HMGB1: variants seen among roughly 807,000 people sequenced by gnomAD.
HMGB1 encodes the protein high mobility group protein B1.
For synonymous variants in HMGB1, 81 were observed against 84.0 expected, an observed-to-expected ratio of 0.96 and a Z score of 0.19; for missense variants, 79 against 253.5, an observed-to-expected ratio of 0.31 and a Z score of 4.67.
intron 1 of HMGB1, among the ~76,000 whole-genome samples, chr13:30,520,436 A>G (rs1163217727): frequency 2.0e-5 from 3 of 152,054 alleles, no homozygotes; most frequent in Non-Finnish European, 4.4e-5. Flanking sequence ...CCTGGCCAAC[A>G]TGGTGAAACC....
At chr13:30,553,845 G>T in intron 1 of HMGB1, 3 of 1,348,300 alleles carry the variant, frequency 2.2e-6, no homozygotes, top group Non-Finnish European at 3.2e-6. Flanking sequence ...TCACAGTCGT[G>T]TTAAACTGCA....
chr13:30,491,397 C>A (rs995424050), intron 1 of HMGB1, among the ~76,000 whole-genome samples: 3 of 152,076 alleles, frequency 2.0e-5, no homozygotes, highest in African/African-American at 7.2e-5. Context: ...AGAAACAAAC[C>A]TTGAGGCTGG....
At chr13:30,614,976 C>T (rs1472377130) in intron 1 of HMGB1, among the ~76,000 whole-genome samples, 4 of 151,480 alleles carry the variant, frequency 2.6e-5, no homozygotes, top group Non-Finnish European at 5.9e-5. Context: ...TCCCAAAGTG[C>T]TGGGATTACA....
chr13:30,553,923 T>G, intron 1 of HMGB1: 2 of 1,437,094 alleles, frequency 1.4e-6, no homozygotes, highest in Non-Finnish European at 2.0e-6. Flanking sequence ...GAGTTACATC[T>G]TAACACCGGG....
intron 1 of HMGB1, among the ~76,000 whole-genome samples, chr13:30,482,168 A>G (rs1483088073): frequency 6.6e-6 from 1 of 152,240 alleles, no homozygotes; most frequent in Non-Finnish European, 1.5e-5. Flanking sequence ...GAACTGAGGC[A>G]GGACACCTGA....
chr13:30,530,002 G>A (rs1243972212), intron 1 of HMGB1, among the ~76,000 whole-genome samples: 1 of 152,028 alleles, frequency 6.6e-6, no homozygotes, highest in Non-Finnish European at 1.5e-5. Context: ...TCAGTCTGAT[G>A]AAAAAAATTC....
intron 1 of HMGB1, among the ~76,000 whole-genome samples, chr13:30,558,586 C>G (rs779728699): frequency 6.6e-6 from 1 of 152,036 alleles, no homozygotes; most frequent in Admixed American, 6.5e-5. Context: ...GGGCTTTTAG[C>G]AATAATCCTA....
At chr13:30,558,029 T>A (rs1869762983) in intron 1 of HMGB1, among the ~76,000 whole-genome samples, 1 of 152,242 alleles carries the variant, frequency 6.6e-6, no homozygotes, top group South Asian at 2.1e-4. Flanking sequence ...GCTAAAATTG[T>A]AATGACATAT....
chr13:30,533,285 A>G (rs1234434694), intron 1 of HMGB1, among the ~76,000 whole-genome samples: 4 of 152,224 alleles, frequency 2.6e-5, no homozygotes, highest in Non-Finnish European at 4.4e-5. Context: ...CTGTTCTCCA[A>G]TGTGGCTCAG....
chr13:30,604,740 C>T (rs1950438490), intron 1 of HMGB1, among the ~76,000 whole-genome samples: 1 of 152,198 alleles, frequency 6.6e-6, no homozygotes, highest in Non-Finnish European at 1.5e-5. Context: ...TCACTGCAAG[C>T]TCTGCCTCCT....
At chr13:30,548,066 G>A (rs1869246700) in intron 1 of HMGB1, among the ~76,000 whole-genome samples, 1 of 152,156 alleles carries the variant, frequency 6.6e-6, no homozygotes, top group South Asian at 2.1e-4. Context: ...ACTGTTTCAG[G>A]TTTTAAAATG....
At chr13:30,464,788 TATGA>T (rs1250220324) in intron 1 of HMGB1, 5 of 231,736 alleles carry the variant, frequency 2.2e-5, no homozygotes, top group Non-Finnish European at 3.4e-5. Context: ...TGTGTGTGTG[TATGA>T]GAGAGTGTGT....
chr13:30,462,407 G>A lies in HMGB1; in HGVS notation c.471+131C>T, dbSNP rs4540927. 2.1e-3 allele frequency: 1,659 copies of A among 808,764 alleles called. 18 individuals are homozygous for A. In the African/African-American group the frequency reaches 0.025, roughly 12 times the overall value. 50.1% of individuals were successfully genotyped at this position (808,764 alleles called of 1,614,324 possible). ...TATTTGGTCCTCTGCATTCTTTGAA[G>A]GATGAGGACTTATATCAACACCATA... On this transcript the variant is annotated intron_variant, in intron 4 of 4. Transcript: ENST00000341423.
intron 1 of HMGB1, among the ~76,000 whole-genome samples, chr13:30,492,971 G>C (rs1321011428): frequency 1.4e-5 from 2 of 143,448 alleles, no homozygotes; most frequent in Non-Finnish European, 3.0e-5. Flanking sequence ...AGCCTGGCCA[G>C]GTGACGAAGT....
chr13:30,464,844 G>C (rs1886645465), intron 1 of HMGB1: 1 of 154,746 alleles, frequency 6.5e-6, no homozygotes, highest in Non-Finnish European at 1.4e-5. Flanking sequence ...CGGGCGGGGT[G>C]CGAGCCGCGC....
At chr13:30,470,786 T>A (rs1479768201), upstream of HMGB1, among the ~76,000 whole-genome samples, 2 of 151,978 alleles carry the variant, frequency 1.3e-5, no homozygotes, top group East Asian at 3.9e-4. Flanking sequence ...GTAGCTAGGA[T>A]CACAGGCGTG....
At chr13:30,491,466 C>T (rs1291994100) in intron 1 of HMGB1, among the ~76,000 whole-genome samples, 1 of 145,594 alleles carries the variant, frequency 6.9e-6, no homozygotes, top group Non-Finnish European at 1.5e-5. Flanking sequence ...GGCGGATAGC[C>T]AGCCTGGGCA....
At chr13:30,527,080 G>A (rs1047749815) in intron 1 of HMGB1, among the ~76,000 whole-genome samples, 1 of 152,218 alleles carries the variant, frequency 6.6e-6, no homozygotes, top group African/African-American at 2.4e-5. Flanking sequence ...GTCATTCCCC[G>A]CTAGAGGCTC....
At chr13:30,579,134 T>C (rs1200075556) in intron 1 of HMGB1, among the ~76,000 whole-genome samples, 5 of 152,214 alleles carry the variant, frequency 3.3e-5, no homozygotes, top group African/African-American at 1.2e-4. Flanking sequence ...AAACACTTGA[T>C]ATGTTTGTAA....
Sources: gnomAD v4.1 joint callset for allele counts (sites outside exome capture counted in the v4.1 genomes callset) on GRCh38, gnomAD v4.1.1 for gene constraint, MANE v1.5 for transcripts, NCBI Gene and HGNC (gene_info 2026-07-23, HGNC 2026-07-21) for gene names.